DNAAF2: variants seen among roughly 807,000 people sequenced by gnomAD.
DNAAF2 encodes the protein dynein axonemal assembly factor 2.
In DNAAF2, 58 loss-of-function variants were observed where a neutral mutation model predicts 48.8. The ratio of observed to expected loss-of-function variants is 1.19; its 90% CI spans 0.96 to 1.48. DNAAF2 has a LOEUF of 1.48. Among genes scored for constraint, DNAAF2 ranks in the 40% most tolerant of loss-of-function variants. The pLI is 0.00. For missense variants in DNAAF2, 1,241 were observed against 1,116.1 expected, an observed-to-expected ratio of 1.11 and a Z score of -1.59; for synonymous variants, 567 against 481.2, an observed-to-expected ratio of 1.18 and a Z score of -2.33.
At position 49,634,617 on chromosome 14, in the gene DNAAF2, A is replaced by G; in HGVS notation, c.533T>C (p.Val178Ala). The change falls in exon 1 of 3, where the codon GTG becomes GCG. Residue 178 changes from valine (V) to alanine (A), a missense_variant. Physicochemically the swap from Val to Ala is moderately conservative, Grantham distance 64 (BLOSUM62 0). Coordinates refer to ENST00000298292, the MANE Select transcript of DNAAF2 (RefSeq NM_018139.3). ...ALEAVEKQFG[V>A]KLDRRNAKTL... ...CTTGGCATTCCTGCGGTCCAGCTTC[A>G]CGCCGAACTGCTTCTCGACGGCCTC... The G allele has an allele frequency of 6.2e-7, 1 of 1,606,788 alleles. No homozygotes were observed.
In DNAAF2 at chr14:49,628,070, G is replaced by A. The variant is rs147299791; in HGVS notation, c.1949C>T (p.Thr650Ile). 10 of 1,581,706 alleles carry A rather than the reference G, an allele frequency of 6.3e-6. No homozygotes were observed. In the African/African-American group the frequency reaches 1.2e-4, roughly 19 times the overall value. Residue 650 changes from threonine to isoleucine, a missense_variant, in exon 2 of 3, where the codon ACC becomes ATC. Physicochemically the swap from Thr to Ile is moderately conservative, Grantham distance 89. Coordinates refer to ENST00000298292, the MANE Select transcript of DNAAF2 (RefSeq NM_018139.3). ...SSPFKQSMSL[T>I]PPLIEVLQVT... ...TTGAAGAACTTCAATTAATGGTGGG[G>A]TCAAGGACATAGACTGTTTGAATGG...
At position 49,634,790 on chromosome 14, in the gene DNAAF2, G is replaced by A. The variant is rs746522193; in HGVS notation, c.360C>T (p.Ser120=). The A allele has an allele frequency of 1.9e-6, 3 of 1,572,712 alleles. No individual in the cohort carries two copies. The highest frequency in any genetic ancestry group is 1.1e-5 in the South Asian group (1 of 87,672). ...DRGAAPGSHW[S]LPYSLAPGRE... is the part of the protein sequence containing the mutation. Reference sequence around the variant, plus strand: ...GGCCGGGCGCCAGGCTGTAGGGCAGGGACCAGTGGCTGCCAGGAGCTGCGC... The same window carrying A: ...GGCCGGGCGCCAGGCTGTAGGGCAGAGACCAGTGGCTGCCAGGAGCTGCGC... Residue 120 remains serine (S), a synonymous_variant, in exon 1 of 3, where the codon TCC becomes TCT. Transcript: ENST00000298292.
chr14:49,628,380 T>C (rs891787497), intron 1 of DNAAF2, among the ~76,000 whole-genome samples: 5 of 152,322 alleles, frequency 3.3e-5, no homozygotes, highest in Admixed American at 2.6e-4. Flanking sequence ...AAAAAGAACC[T>C]AAAAGAAAGA....
chr14:49,635,203 T>C lies in DNAAF2; in HGVS notation c.-54A>G. ...CAAAGGCGATCAGTCTGACACTGGGTTGGGGGATCCGCCTCAGAGTTTCTG... is the reference window on the plus strand; with the variant it reads ...CAAAGGCGATCAGTCTGACACTGGGCTGGGGGATCCGCCTCAGAGTTTCTG... On this transcript the variant is annotated 5_prime_UTR_variant, in exon 1 of 3. Coordinates refer to ENST00000298292, the MANE Select transcript of DNAAF2 (RefSeq NM_018139.3). 2 of 1,523,072 alleles carry C rather than the reference T, an allele frequency of 1.3e-6. No homozygotes were observed. Among genetic ancestry groups the C allele is most frequent in the Admixed American group, 2.0e-5 (1 of 50,716 alleles). 94.3% of individuals were successfully genotyped at this position (1,523,072 alleles called of 1,614,324 possible).
Position 49,633,830 on chromosome 14 carries a change from C to T in DNAAF2, c.1320G>A (p.Leu440=). ...CCGGCGGTGACCCCGCGTGCCTGCT[C>T]AAGTCCTGCTCCCCCGGCTTGGGGA... ...ERVPKPGEQD[L]SRHAGSPPGS... is the part of the protein sequence containing the mutation. Residue 440 remains leucine (L), a synonymous_variant, in exon 1 of 3, where the codon TTG becomes TTA. Transcript: ENST00000298292. 1 of 1,577,948 alleles carries T rather than the reference C, an allele frequency of 6.3e-7. No individual in the cohort carries two copies. The highest frequency in any genetic ancestry group is 8.5e-7 in the Non-Finnish European group (1 of 1,169,972).
At chr14:49,629,686 T>C (rs902954070) in intron 1 of DNAAF2, 1 of 151,940 alleles carries the variant, frequency 6.6e-6, no homozygotes, top group Non-Finnish European at 1.5e-5. Context: ...TTGACATTTT[T>C]TGTAGATACA....
intron 1 of DNAAF2, among the ~76,000 whole-genome samples, chr14:49,628,479 T>C (rs1883068265): frequency 1.3e-5 from 2 of 152,116 alleles, no homozygotes; most frequent in Admixed American, 6.6e-5. Context: ...TTTTGAGACA[T>C]AGTCTCACTC....
rs765604726 is a variant in DNAAF2, at chr14:49,625,547, C to A, written c.2509G>T (p.Asp837Tyr). 4 of 1,574,820 alleles carry A rather than the reference C, an allele frequency of 2.5e-6. No individual in the cohort carries two copies. The highest frequency in any genetic ancestry group is 2.4e-5 in the South Asian group (2 of 82,598). Residue 837 changes from aspartate to tyrosine, a missense_variant, in exon 3 of 3, where the codon GAT becomes TAT. By Grantham distance (160) the Asp-to-Tyr change is radical. Coordinates refer to ENST00000298292, the MANE Select transcript of DNAAF2 (RefSeq NM_018139.3). ...SFQNSLLYDL[D>Y] The stretch of plus-strand genomic sequence containing the variant: ...AAGTCCAAAATTATATAGAATTAAT[C>A]CAAATCATATAGCAAAGAATTCTGA...
At chr14:49,632,792 T>C (rs1214379804) in intron 1 of DNAAF2, among the ~76,000 whole-genome samples, 5 of 152,116 alleles carry the variant, frequency 3.3e-5, no homozygotes, top group African/African-American at 1.2e-4. Context: ...GCTAGTGTTG[T>C]TTCTCAACAC....
intron 1 of DNAAF2, among the ~76,000 whole-genome samples, chr14:49,630,756 C>CACACACA (rs1555327722): frequency 2.2e-5 from 3 of 138,860 alleles, no homozygotes; most frequent in African/African-American, 2.6e-5. Flanking sequence ...CACACACACA[C>CACACACA]TTTTTTTTTT....
intron 1 of DNAAF2, among the ~76,000 whole-genome samples, chr14:49,632,569 C>G (rs1472726286): frequency 6.6e-6 from 1 of 151,958 alleles, no homozygotes; most frequent in African/African-American, 2.4e-5. Context: ...CCTCAGCCTC[C>G]CAAGTAGCTG....
At chr14:49,632,099 TA>T (rs1283605233) in intron 1 of DNAAF2, among the ~76,000 whole-genome samples, 1 of 152,252 alleles carries the variant, frequency 6.6e-6, no homozygotes, top group Non-Finnish European at 1.5e-5. Flanking sequence ...GATTAAAATG[TA>T]TTATTGAATA....
At chr14:49,631,422 A>G (rs199843804) in intron 1 of DNAAF2, among the ~76,000 whole-genome samples, 2 of 152,112 alleles carry the variant, frequency 1.3e-5, no homozygotes, top group African/African-American at 2.4e-5. Flanking sequence ...TCAGGAGATC[A>G]AGACCATCCT....
At position 49,633,599 on chromosome 14, in the gene DNAAF2, G is replaced by C; in HGVS notation, c.1551C>G (p.Ser517Arg). 1 of 1,613,778 alleles carries C rather than the reference G, an allele frequency of 6.2e-7. No homozygotes were observed. Among genetic ancestry groups the C allele is most frequent in the Non-Finnish European group, 8.5e-7 (1 of 1,179,882 alleles). Residue 517 changes from serine to arginine, a missense_variant, in exon 1 of 3, where the codon AGC (serine) becomes AGG (arginine). Ser to Arg is a moderately radical substitution (Grantham distance 110). Transcript: ENST00000298292. ...ACAMGGPGTK[S>R]GEPLCPPLLC... ...GTAACGGAGGACACAAAGGCTCCCCGCTCTTGGTCCCGGGACCACCCATGG... is the reference window on the plus strand; with the variant it reads ...GTAACGGAGGACACAAAGGCTCCCCCCTCTTGGTCCCGGGACCACCCATGG...
Position 49,625,996 on chromosome 14 carries a change from T to C in DNAAF2, c.2060A>G (p.Asn687Ser). The change falls in exon 3 of 3, where the codon AAT (asparagine) becomes AGT (serine). Residue 687 changes from asparagine (N) to serine (S), a missense_variant. By Grantham distance (46) the Asn-to-Ser change is conservative. Coordinates refer to ENST00000298292, the MANE Select transcript of DNAAF2 (RefSeq NM_018139.3). ...DQLQGKEERV[N>S]EESHLTEKEY... ...CTTTTCAGTTAGATGACTTTCTTCATTTACTCTTTCCTCCTTTCCTTGTAG... is the reference window on the plus strand; with the variant it reads ...CTTTTCAGTTAGATGACTTTCTTCACTTACTCTTTCCTCCTTTCCTTGTAG... 3 of 1,589,696 alleles carry C rather than the reference T, an allele frequency of 1.9e-6. No individual in the cohort carries two copies. The highest frequency in any genetic ancestry group is 2.6e-6 in the Non-Finnish European group (3 of 1,170,444).
chr14:49,635,116 C>A lies in DNAAF2; in HGVS notation c.34G>T (p.Asp12Tyr). Reference protein sequence around the residue: ...AKAAASSSLEDLDLSGEEVQR... With the variant: ...AKAAASSSLEYLDLSGEEVQR... Reference sequence around the variant, plus strand: ...ACCTCCTCTCCGCTCAGGTCCAAGTCCTCCAGCGACGAGGAGGCCGCCGCT... The same window carrying A: ...ACCTCCTCTCCGCTCAGGTCCAAGTACTCCAGCGACGAGGAGGCCGCCGCT... The change falls in exon 1 of 3, where the codon GAC becomes TAC. Residue 12 changes from aspartate (D) to tyrosine (Y), a missense_variant. Transcript: ENST00000298292. The A allele has an allele frequency of 6.4e-7, 1 of 1,570,568 alleles. No homozygotes were observed. Among genetic ancestry groups the A allele is most frequent in the Non-Finnish European group, 8.6e-7 (1 of 1,158,652 alleles).
At chr14:49,631,366 C>T (rs962252916) in intron 1 of DNAAF2, among the ~76,000 whole-genome samples, 7 of 152,168 alleles carry the variant, frequency 4.6e-5, no homozygotes, top group African/African-American at 1.4e-4. Flanking sequence ...TGGCTCATGC[C>T]TGTAATCCCA....
chr14:49,630,729 C>CAA (rs1208969044), intron 1 of DNAAF2, among the ~76,000 whole-genome samples: 56 of 124,106 alleles, frequency 4.5e-4, no homozygotes, highest in African/African-American at 7.7e-4. Flanking sequence ...CACACACACA[C>CAA]ACAAACTCTC....
chr14:49,633,338 G>T lies in DNAAF2; in HGVS notation c.1812C>A (p.Ser604Arg), dbSNP rs1405675478. 1 of 1,613,900 alleles carries T rather than the reference G, an allele frequency of 6.2e-7. No homozygotes were observed. The highest frequency in any genetic ancestry group is 1.3e-5 in the African/African-American group (1 of 74,930). The change falls in exon 1 of 3, where the codon AGC becomes AGA. Residue 604 changes from serine (S) to arginine (R), a missense_variant. Coordinates refer to ENST00000298292, the MANE Select transcript of DNAAF2 (RefSeq NM_018139.3). ...AVIELAKSPE[S>R]HGHWREWYYG... is the part of the protein sequence containing the mutation. ...AATACCACTCTCTCCAATGTCCATG[G>T]CTCTCTGGAGATTTTGCCAGTTCTA... is the stretch of plus-strand genomic sequence containing the variant.
Sources: gnomAD v4.1 joint callset for allele counts (sites outside exome capture counted in the v4.1 genomes callset) on GRCh38, gnomAD v4.1.1 for gene constraint, MANE v1.5 for transcripts, NCBI Gene and HGNC (gene_info 2026-07-23, HGNC 2026-07-21) for gene names.